Variants in NAV1 observed in about 807,000 individuals in gnomAD.
The protein encoded by NAV1 is pore membrane and/or filament interacting like protein 3.
NAV1 carries 18 observed loss-of-function variants against 175.2 expected under a neutral mutation model. That is an observed-to-expected ratio of 0.10 (90% CI 0.07 to 0.15). The LOEUF is 0.15. NAV1 is among the 10% of genes least tolerant of loss of function. The pLI, the probability that NAV1 is intolerant of heterozygous loss-of-function variation, is 1.00. For missense variants in NAV1, 1,731 were observed against 2,436.6 expected (o/e 0.71, Z 6.10); for synonymous variants, 897 against 978.7 (o/e 0.92, Z 1.56).
At chr1:201,638,521 A>G (rs577465650) in intron 2 of NAV1, among the ~76,000 whole-genome samples, 222 of 152,060 alleles carry the variant, frequency 1.5e-3, no homozygotes, top group African/African-American at 5.2e-3. Context: ...CCCTTCTAAT[A>G]CCCAGTCCCC....
chr1:201,576,922 C>T (rs998600458), intron 1 of NAV1, among the ~76,000 whole-genome samples: 6 of 152,164 alleles, frequency 3.9e-5, no homozygotes, highest in African/African-American at 1.4e-4. Context: ...ATTTAGACAT[C>T]TCTTTGGTGC....
At chr1:201,586,568 C>G (rs933696716) in intron 1 of NAV1, among the ~76,000 whole-genome samples, 3 of 152,064 alleles carry the variant, frequency 2.0e-5, no homozygotes, top group Non-Finnish European at 4.4e-5. Context: ...GTCTGTCTTC[C>G]TGGCTCACAG....
chr1:201,702,498 G>T (rs867116630), intron 1 of NAV1, among the ~76,000 whole-genome samples: 14 of 152,046 alleles, frequency 9.2e-5, no homozygotes, highest in Non-Finnish European at 1.8e-4. Context: ...TCCCAAGTAG[G>T]TAGCTGGGGT....
chr1:201,583,698 A>T (rs1184987723), intron 1 of NAV1, among the ~76,000 whole-genome samples: 1 of 152,236 alleles, frequency 6.6e-6, no homozygotes, highest in Non-Finnish European at 1.5e-5. Flanking sequence ...GAAATAAATA[A>T]GGAGCTGTTG....
chr1:201,799,602 A>C (rs901552466), intron 15 of NAV1, among the ~76,000 whole-genome samples: 1 of 152,202 alleles, frequency 6.6e-6, no homozygotes, highest in South Asian at 2.1e-4. Flanking sequence ...GCTCACGCCT[A>C]TAATCCCAGC....
intron 1 of NAV1, among the ~76,000 whole-genome samples, chr1:201,684,830 G>A (rs1042968225): frequency 6.6e-6 from 1 of 151,510 alleles, no homozygotes; most frequent in African/African-American, 2.4e-5. Context: ...GGGTGTGGTG[G>A]CGAGCGCCTG....
intron 1 of NAV1, among the ~76,000 whole-genome samples, chr1:201,547,459 C>A (rs1167831063): frequency 1.3e-5 from 2 of 152,132 alleles, no homozygotes; most frequent in East Asian, 1.9e-4. Context: ...TCAGTTAAGG[C>A]CTAAATTGGA....
chr1:201,595,821 C>A (rs1279881744), intron 2 of NAV1, among the ~76,000 whole-genome samples: 1 of 152,240 alleles, frequency 6.6e-6, no homozygotes, highest in Non-Finnish European at 1.5e-5. Context: ...CCCCTGCAAC[C>A]AAGGTGCCCT....
chr1:201,718,531 T>C lies in NAV1; in HGVS notation c.1002T>C (p.Gly334=). The C allele has an allele frequency of 6.2e-7, 1 of 1,611,470 alleles. No homozygotes were observed. Among genetic ancestry groups the C allele is most frequent in the Non-Finnish European group, 8.5e-7 (1 of 1,178,888 alleles). Residue 334 remains glycine, a synonymous_variant, in exon 3 of 30, where the codon GGT becomes GGC. Coordinates refer to ENST00000367296, the Ensembl canonical transcript of NAV1. The surrounding 1 kb of genome is among the most constrained non-coding windows in gnomAD (Gnocchi z 4.8). Reference sequence around the variant, plus strand: ...AGGCTGGTGACGCGCCCTCTGTGGGTGGGAGCTGCCGCTCGGAGGGGACGC... The same window carrying C: ...AGGCTGGTGACGCGCCCTCTGTGGGCGGGAGCTGCCGCTCGGAGGGGACGC...
At chr1:201,752,674 G>T (rs1367359528) in intron 3 of NAV1, among the ~76,000 whole-genome samples, 1 of 151,798 alleles carries the variant, frequency 6.6e-6, no homozygotes, top group Non-Finnish European at 1.5e-5. Context: ...AACAAGCTTT[G>T]GGTGTTTAAT....
At chr1:201,785,393 G>C (rs1376146958) in intron 8 of NAV1, 42 bp downstream of exon 12, 2 of 1,579,976 alleles carry the variant, frequency 1.3e-6, no homozygotes, top group African/African-American at 2.7e-5. Flanking sequence ...AAATGGGACT[G>C]CTGGTATGTA....
chr1:201,802,465 A>AAC (rs924520894), intron 15 of NAV1, among the ~76,000 whole-genome samples: 1 of 121,518 alleles, frequency 8.2e-6, no homozygotes, highest in African/African-American at 2.8e-5. Flanking sequence ...ATTAAAAAAA[A>AAC]AAAAAAAAAA....
At position 201,788,330 on chromosome 1, in the gene NAV1, C is replaced by T. The variant is rs1399145969; in HGVS notation, c.2996-138C>T. ...CACACTCCCACCACCGCACCTGCCC[C>T]TTCCTCTCCTGCCCTCTCCCCATTT... On this transcript the variant is annotated intron_variant, in intron 9 of 29. Coordinates refer to ENST00000367296, the Ensembl canonical transcript of NAV1. The surrounding 1 kb of genome is among the most constrained non-coding windows in gnomAD (Gnocchi z 5.7). 1.2e-6 allele frequency: 1 copy of T among 859,724 alleles called. No individual in the cohort carries two copies. The highest frequency in any genetic ancestry group is 1.6e-5 in the South Asian group (1 of 64,108). The allele number at this position is 859,724 out of a possible 1,614,324, so 53.3% of individuals were successfully genotyped here. A position where few individuals can be genotyped will look rare whatever the true frequency, so the allele number is the denominator to read the frequency against.
At chr1:201,756,881 T>TTTCC (rs1158308001) in intron 3 of NAV1, among the ~76,000 whole-genome samples, 7 of 143,846 alleles carry the variant, frequency 4.9e-5, no homozygotes, top group African/African-American at 1.9e-4. Flanking sequence ...TCTTTCTTTC[T>TTTCC]TTCTCTGTCT....
At chr1:201,621,332 CTTTTTT>C (rs11422175), upstream of NAV1, among the ~76,000 whole-genome samples, 2 of 118,896 alleles carry the variant, frequency 1.7e-5, no homozygotes, top group Non-Finnish European at 1.7e-5. Context: ...TCTTTTCTTT[CTTTTTT>C]TTTTTTTTTT....
intron 3 of NAV1, among the ~76,000 whole-genome samples, chr1:201,762,985 G>GA (rs930572665): frequency 4.0e-5 from 6 of 149,168 alleles, no homozygotes; most frequent in South Asian, 4.2e-4. Context: ...TTTAGAAAGA[G>GA]AAAAAAAAAA....
At position 201,602,699 on chromosome 1, in the gene NAV1, C is replaced by T. The variant is rs556817672; in HGVS notation, c.-33+14050C>T. On this transcript the variant is annotated intron_variant, in intron 2 of 33. Transcript: ENST00000685211. Reference sequence around the variant, plus strand: ...TTTTACCATGAGCTCATCCAGAGTTCTTCAGCCTTGGGCCACAGAGCCAGG... The same window carrying T: ...TTTTACCATGAGCTCATCCAGAGTTTTTCAGCCTTGGGCCACAGAGCCAGG... Among the ~76,000 whole-genome samples, 88 of 122,550 alleles carry T rather than the reference C, an allele frequency of 7.2e-4. 1 individual carries two copies. Among genetic ancestry groups the T allele is most frequent in the Non-Finnish European group, 1.3e-3 (78 of 62,376 alleles). 80.4% of individuals were successfully genotyped at this position (122,550 alleles called of 152,430 possible).
intron 2 of NAV1, among the ~76,000 whole-genome samples, chr1:201,641,303 C>T (rs1046455919): frequency 2.0e-5 from 3 of 152,198 alleles, no homozygotes; most frequent in African/African-American, 7.2e-5. Flanking sequence ...TCCAAGCCAC[C>T]ATCATCTCTC....
chr1:201,608,234 A>G (rs1226588248), intron 2 of NAV1, among the ~76,000 whole-genome samples: 1 of 152,214 alleles, frequency 6.6e-6, no homozygotes, highest in African/African-American at 2.4e-5. Context: ...AAAACTGCAC[A>G]GCTTATAAGT....
Sources: gnomAD v4.1 joint callset for allele counts (sites outside exome capture counted in the v4.1 genomes callset) on GRCh38, gnomAD v4.1.1 for gene constraint, Gnocchi (gnomAD v3.1) non-coding constraint, MANE v1.5 for transcripts, NCBI Gene and HGNC (gene_info 2026-07-23, HGNC 2026-07-21) for gene names.